Variants in IDO2 observed in about 807,000 individuals in gnomAD.
IDO2 encodes the protein indoleamine 2,3-dioxygenase 2.
In IDO2, 46 loss-of-function variants were observed where a neutral mutation model predicts 45.1. The ratio of observed to expected loss-of-function variants is 1.02; its 90% CI spans 0.80 to 1.30. IDO2 has a LOEUF of 1.30. Among genes scored for constraint, IDO2 ranks in the 50% most tolerant of loss-of-function variants. The pLI is 0.00. For synonymous variants in IDO2, 218 were observed against 184.9 expected (o/e 1.18, Z -1.45); for missense variants, 544 against 491.8 (o/e 1.11, Z -1.00).
At chr8:40,013,843 A>C (rs529361314) in intron 10 of IDO2, 130 bp downstream of exon 10, 1 of 676,102 alleles carries the variant, frequency 1.5e-6, no homozygotes, top group African/African-American at 1.8e-5. Flanking sequence ...AAGTCAGCCA[A>C]GAAACTGCAT....
At chr8:40,014,565 G>A (rs1322935960) in intron 10 of IDO2, among the ~76,000 whole-genome samples, 1 of 152,118 alleles carries the variant, frequency 6.6e-6, no homozygotes, top group Admixed American at 6.6e-5. Flanking sequence ...ATTCACCAGA[G>A]TATTCAGCTA....
chr8:40,000,169 T>G (rs933169683), intron 8 of IDO2, among the ~76,000 whole-genome samples: 1 of 152,182 alleles, frequency 6.6e-6, no homozygotes, highest in African/African-American at 2.4e-5. Flanking sequence ...ATCCCAGCAC[T>G]CTGGGAGGCT....
chr8:40,013,767 G>T (rs1298116898), intron 10 of IDO2, 54 bp downstream of exon 10: 115 of 983,990 alleles, frequency 1.2e-4, no homozygotes, highest in Admixed American at 5.0e-4. Context: ...GAGGAGAGGT[G>T]TTTTTTTTTT....
intron 8 of IDO2, among the ~76,000 whole-genome samples, chr8:39,990,625 C>A (rs1358286093): frequency 6.6e-6 from 1 of 152,218 alleles, no homozygotes; most frequent in Non-Finnish European, 1.5e-5. Flanking sequence ...GGTTAATGAT[C>A]TCAAAACAGT....
chr8:40,011,130 CAAA>C lies in IDO2; in HGVS notation c.720-2434_720-2432del, dbSNP rs571682899. On this transcript the variant is annotated intron_variant, in intron 9 of 10. Transcript: ENST00000502986. Reference sequence around the variant, plus strand: ...TTCACCATGTTGACCAGGCTGGTGTCAAACTCCTGACCTCAATCGATCTCCCCG... The same window carrying C: ...TTCACCATGTTGACCAGGCTGGTGTCCTCCTGACCTCAATCGATCTCCCCG... Among the ~76,000 whole-genome samples, 66 of 152,284 alleles carry C rather than the reference CAAA, an allele frequency of 4.3e-4. No individual in the cohort carries two copies. The East Asian group carries it at 0.013, about 29-fold the overall frequency.
At chr8:39,970,063 G>C (rs1808156560) in intron 3 of IDO2, among the ~76,000 whole-genome samples, 1 of 152,174 alleles carries the variant, frequency 6.6e-6, no homozygotes, top group Non-Finnish European at 1.5e-5. Context: ...GAAAGCAAAA[G>C]AGCCTTATTG....
rs2981142 is a variant in IDO2, at chr8:39,999,382, G to T, written c.668-5945G>T. Among the ~76,000 whole-genome samples the T allele has an allele frequency of 2.0e-5, 3 of 149,032 alleles. No individual in the cohort carries two copies. In the East Asian group the frequency reaches 6.0e-4, roughly 30 times the overall value. On this transcript the variant is annotated intron_variant, in intron 8 of 10. Coordinates refer to ENST00000502986, the Ensembl canonical transcript of IDO2. ...GCAACCTCTGCCTCTCGGTTCAAGC[G>T]ATTCTCCTGCCTCAGCCTACCGAGT... is the stretch of plus-strand genomic sequence containing the variant.
At chr8:40,002,711 C>CGG (rs1021024897) in intron 8 of IDO2, among the ~76,000 whole-genome samples, 1 of 151,940 alleles carries the variant, frequency 6.6e-6, no homozygotes, top group Non-Finnish European at 1.5e-5. Context: ...ACCTGGCAGG[C>CGG]GGGGGGTGCA....
intron 1 of IDO2, 48 bp downstream of exon 1, chr8:39,935,266 A>G: frequency 2.1e-6 from 3 of 1,452,016 alleles, no homozygotes; most frequent in Admixed American, 1.8e-5. Context: ...CATAATGTAA[A>G]CATCAAGACT....
At chr8:40,005,432 T>G (rs370574987) in intron 9 of IDO2, 54 bp downstream of exon 9, 1 of 1,172,158 alleles carries the variant, frequency 8.5e-7, no homozygotes. Flanking sequence ...ATTGACTGAA[T>G]GTATAAGGGG....
At chr8:39,955,240 T>G (rs907557105) in intron 2 of IDO2, among the ~76,000 whole-genome samples, 2 of 140,218 alleles carry the variant, frequency 1.4e-5, no homozygotes, top group Non-Finnish European at 3.0e-5. Context: ...AAATATTTCT[T>G]TAATATTTGC....
chr8:39,982,162 CATCT>C (rs974036878), intron 4 of IDO2, among the ~76,000 whole-genome samples: 12 of 151,918 alleles, frequency 7.9e-5, no homozygotes, highest in African/African-American at 1.9e-4. Context: ...ACTGATCTAT[CATCT>C]ATCTATCTAG....
At chr8:40,014,209 A>G (rs1168540603) in intron 10 of IDO2, among the ~76,000 whole-genome samples, 1 of 152,236 alleles carries the variant, frequency 6.6e-6, no homozygotes, top group African/African-American at 2.4e-5. Context: ...AGTTTTTAAC[A>G]GTTGCAAAAA....
At chr8:39,992,600 A>G (rs1240616752) in intron 8 of IDO2, among the ~76,000 whole-genome samples, 1 of 152,230 alleles carries the variant, frequency 6.6e-6, no homozygotes, top group African/African-American at 2.4e-5. Context: ...TTATAAAAAT[A>G]GTAACAAACA....
intron 2 of IDO2, among the ~76,000 whole-genome samples, chr8:39,956,932 A>C (rs1453941261): frequency 6.8e-6 from 1 of 147,296 alleles, no homozygotes; most frequent in Non-Finnish European, 1.5e-5. Context: ...AGTCCCAGCT[A>C]TTTGGGATGC....
chr8:39,978,654 G>A (rs958970626), intron 3 of IDO2, among the ~76,000 whole-genome samples: 3 of 152,116 alleles, frequency 2.0e-5, no homozygotes, highest in East Asian at 1.9e-4. Context: ...CAGGGTCAGC[G>A]ATAGCAAGCA....
intron 2 of IDO2, among the ~76,000 whole-genome samples, chr8:39,953,451 A>G (rs370753703): frequency 1.5e-4 from 23 of 152,202 alleles, no homozygotes; most frequent in African/African-American, 5.3e-4. Context: ...CTGCTTTTTT[A>G]GGCTCTATGA....
At chr8:39,964,121 A>G (rs1163534062) in intron 3 of IDO2, among the ~76,000 whole-genome samples, 1 of 152,224 alleles carries the variant, frequency 6.6e-6, no homozygotes, top group African/African-American at 2.4e-5. Flanking sequence ...TAGAATAGTT[A>G]AATGGAGGGA....
intron 1 of IDO2, among the ~76,000 whole-genome samples, chr8:39,942,431 G>A (rs1029084682): frequency 5.9e-5 from 9 of 152,116 alleles, no homozygotes; most frequent in African/African-American, 1.2e-4. Context: ...ATCACCAGAG[G>A]TCAGGAGTTT....
Sources: gnomAD v4.1 joint callset for allele counts (sites outside exome capture counted in the v4.1 genomes callset) on GRCh38, gnomAD v4.1.1 for gene constraint, MANE v1.5 for transcripts, NCBI Gene and HGNC (gene_info 2026-07-23, HGNC 2026-07-21) for gene names.